COPS4: variants seen among roughly 807,000 people sequenced by gnomAD.
The protein encoded by COPS4 is COP9 signalosome complex subunit 4.
COPS4 carries 8 observed loss-of-function variants against 55.1 expected under a neutral mutation model. That is an observed-to-expected ratio of 0.15 (90% CI 0.09 to 0.26). The LOEUF is 0.26. Among genes scored for constraint, COPS4 ranks in the 10% least tolerant of loss-of-function variants. The probability of loss-of-function intolerance (pLI) is 1.00; values close to 1 mark genes in which losing one functional copy is unlikely to be tolerated. For synonymous variants in COPS4, 185 were observed against 165.7 expected, an observed-to-expected ratio of 1.12 and a Z score of -0.90; for missense variants, 248 against 484.0, an observed-to-expected ratio of 0.51 and a Z score of 4.58.
At chr4:83,043,228 T>C (rs1730611479) in intron 1 of COPS4, among the ~76,000 whole-genome samples, 1 of 151,918 alleles carries the variant, frequency 6.6e-6, no homozygotes, top group Non-Finnish European at 1.5e-5. Context: ...TGTTAAAACT[T>C]AGGTTAGGCC....
rs1409495154 is a variant in COPS4, at chr4:83,057,359, A to G, written c.666A>G (p.Arg222=). 3 of 1,613,130 alleles carry G rather than the reference A, an allele frequency of 1.9e-6. No homozygotes were observed. The highest frequency in any genetic ancestry group is 1.7e-6 in the Non-Finnish European group (2 of 1,179,736). Residue 222 remains arginine (R), a synonymous_variant, in exon 6 of 10, where the codon AGA becomes AGG. Transcript: ENST00000264389. ...AGACAATAGTCCACGAAAGTGAAAGACTAGAGGCCTTAAAACATGCTTTGC... is the reference window on the plus strand; with the variant it reads ...AGACAATAGTCCACGAAAGTGAAAGGCTAGAGGCCTTAAAACATGCTTTGC... ...SYKTIVHESE[R]LEALKHALHC... is the part of the protein sequence containing the mutation.
chr4:83,051,454 A>G (rs997820434), intron 4 of COPS4, among the ~76,000 whole-genome samples: 9 of 152,156 alleles, frequency 5.9e-5, no homozygotes, highest in Non-Finnish European at 1.3e-4. Context: ...AGTACCACAG[A>G]TAAGGTGGAT....
chr4:83,042,078 T>A (rs1163105285), intron 1 of COPS4, among the ~76,000 whole-genome samples: 1 of 151,742 alleles, frequency 6.6e-6, no homozygotes, highest in Non-Finnish European at 1.5e-5. Context: ...TTGGCCAGGC[T>A]GGTCTCGAAC....
chr4:83,055,882 A>G (rs1731000550), intron 4 of COPS4, among the ~76,000 whole-genome samples: 1 of 151,560 alleles, frequency 6.6e-6, no homozygotes, highest in Non-Finnish European at 1.5e-5. Context: ...ATGTGTGCAC[A>G]TACCTGGCTC....
rs536276213 is a variant in COPS4, at chr4:83,067,460, A to G, written c.1002+907A>G. Among the ~76,000 whole-genome samples, 200 of 149,196 alleles carry G rather than the reference A, an allele frequency of 1.3e-3. 1 individual carries two copies. Among genetic ancestry groups the G allele is most frequent in the African/African-American group, 4.8e-3 (194 of 40,332 alleles). Reference sequence around the variant, plus strand: ...AGGCTGGTCTCAAATTCCTGACCTTATGATCCACCTGCCTCAGACTCCCAA... The same window carrying G: ...AGGCTGGTCTCAAATTCCTGACCTTGTGATCCACCTGCCTCAGACTCCCAA... On this transcript the variant is annotated intron_variant, in intron 8 of 9. Transcript: ENST00000264389.
chr4:83,062,251 G>A (rs751341006), intron 6 of COPS4, among the ~76,000 whole-genome samples: 9 of 151,872 alleles, frequency 5.9e-5, no homozygotes, highest in Admixed American at 1.3e-4. Flanking sequence ...AATGTTTATT[G>A]TAGAAGTACA....
chr4:83,052,651 A>C (rs987200162), intron 4 of COPS4, among the ~76,000 whole-genome samples: 1 of 152,108 alleles, frequency 6.6e-6, no homozygotes, highest in Non-Finnish European at 1.5e-5. Context: ...GGCTCTGTCA[A>C]CCAAGCTGTA....
At chr4:83,043,890 C>T (rs563436587) in intron 1 of COPS4, among the ~76,000 whole-genome samples, 14 of 152,106 alleles carry the variant, frequency 9.2e-5, no homozygotes, top group South Asian at 8.3e-4. Context: ...CTTTTCTATC[C>T]GTATATCTGC....
intron 1 of COPS4, among the ~76,000 whole-genome samples, chr4:83,036,432 T>C (rs1730421132): frequency 6.6e-6 from 1 of 152,238 alleles, no homozygotes; most frequent in Non-Finnish European, 1.5e-5. Flanking sequence ...TAGGCTAGGC[T>C]GCCTTTTCTC....
chr4:83,045,669 G>A lies in COPS4; in HGVS notation c.118G>A (p.Glu40Lys), dbSNP rs748940929. 3 of 1,613,120 alleles carry A rather than the reference G, an allele frequency of 1.9e-6. No homozygotes were observed. Among genetic ancestry groups the A allele is most frequent in the Non-Finnish European group, 1.7e-6 (2 of 1,179,500 alleles). The change falls in exon 2 of 10, where the codon GAA (glutamate) becomes AAA (lysine). Residue 40 changes from glutamate to lysine, a missense_variant. Transcript: ENST00000264389. ...LEKAIQLSGA[E>K]QLEALKAFVE... ...AAAAGCCATTCAGTTATCTGGAGCA[G>A]AACAACTAGAAGCTTTGAAAGCTTT...
chr4:83,068,330 G>C, intron 8 of COPS4, 108 bp from the exon 9 acceptor site: 2 of 714,744 alleles, frequency 2.8e-6, no homozygotes, highest in Non-Finnish European at 4.9e-6. Context: ...TAATGTATAT[G>C]TAAAGTTTAG....
chr4:83,045,589 A>G, intron 1 of COPS4, 37 bp from the exon 2 acceptor site: 1 of 1,476,884 alleles, frequency 6.8e-7, no homozygotes, highest in Admixed American at 1.7e-5. Context: ...AAAATATAGT[A>G]CCCTCAGAAC....
intron 1 of COPS4, among the ~76,000 whole-genome samples, chr4:83,039,857 G>A (rs1318977643): frequency 6.6e-6 from 1 of 152,098 alleles, no homozygotes; most frequent in Non-Finnish European, 1.5e-5. Flanking sequence ...GGCAGGTCTC[G>A]AACTCCTGGG....
rs193129615 is a variant in COPS4, at chr4:83,056,525, G to T, written c.411-401G>T. On this transcript the variant is annotated intron_variant, in intron 4 of 9. Coordinates refer to ENST00000264389, the MANE Select transcript of COPS4 (RefSeq NM_016129.3). ...TAAAAAGTTTGATTCCCGGCCGGGG[G>T]CAGTGGCTCACGCCTGTAATCCCAG... is the stretch of plus-strand genomic sequence containing the variant. Among the ~76,000 whole-genome samples the T allele has an allele frequency of 7.0e-4, 107 of 152,286 alleles. 3 individuals carry two copies. The South Asian group carries it at 0.022, about 31-fold the overall frequency.
At position 83,045,626 on chromosome 4, in the gene COPS4, G is replaced by A. The variant is rs1730688609; in HGVS notation, c.75G>A (p.Lys25=). The change falls in exon 2 of 10, where the codon AAG becomes AAA. Residue 25 remains lysine (K), a splice_region_variant and synonymous_variant. Coordinates refer to ENST00000264389, the MANE Select transcript of COPS4 (RefSeq NM_016129.3). ...TTATTTTCATTTGGTATTGTTGTAG[G>A]TATCGTCAGATCCTGGAAAAAGCCA... The part of the protein sequence containing the change: ...SSGSHKDLAG[K]YRQILEKAIQ... The A allele has an allele frequency of 6.2e-7, 1 of 1,609,194 alleles. No homozygotes were observed. Among genetic ancestry groups the A allele is most frequent in the Non-Finnish European group, 8.5e-7 (1 of 1,175,856 alleles).
At chr4:83,040,352 T>C (rs1351641064) in intron 1 of COPS4, among the ~76,000 whole-genome samples, 1 of 152,250 alleles carries the variant, frequency 6.6e-6, no homozygotes, top group Non-Finnish European at 1.5e-5. Flanking sequence ...GTTGCTTTTG[T>C]TGATTCTAGA....
At chr4:83,037,666 T>C (rs755409955) in intron 1 of COPS4, among the ~76,000 whole-genome samples, 28 of 152,216 alleles carry the variant, frequency 1.8e-4, no homozygotes, top group Non-Finnish European at 3.4e-4. Context: ...ATGTATTTTT[T>C]CTTGTATGTA....
At chr4:83,053,237 T>TC (rs1730927089) in intron 4 of COPS4, among the ~76,000 whole-genome samples, 1 of 152,182 alleles carries the variant, frequency 6.6e-6, no homozygotes, top group Admixed American at 6.5e-5. Context: ...TGGTGCTTTT[T>TC]CCCATCACAT....
chr4:83,040,146 T>A (rs1243274867), intron 1 of COPS4, among the ~76,000 whole-genome samples: 1 of 152,240 alleles, frequency 6.6e-6, no homozygotes, highest in African/African-American at 2.4e-5. Flanking sequence ...TCCATTGAGT[T>A]TCTAAGTTGG....
Sources: allele counts gnomAD v4.1 joint callset (sites outside exome capture counted in the v4.1 genomes callset), GRCh38; gene constraint gnomAD v4.1.1; transcripts MANE v1.5; gene names NCBI Gene and HGNC (gene_info 2026-07-23, HGNC 2026-07-21).